The following GLB1 variants were observed in gnomAD, a reference collection of about 807,000 sequenced individuals.
GLB1 encodes the protein beta-galactosidase.
Under a neutral mutation model 74.0 loss-of-function variants are expected in GLB1, and 56 were observed. The ratio of observed to expected loss-of-function variants is 0.76; its 90% CI spans 0.61 to 0.94. The LOEUF is 0.94. Among genes scored for constraint, GLB1 ranks in the 40% least tolerant of loss-of-function variants. GLB1 has a pLI of 0.00. For synonymous variants in GLB1, 323 were observed against 323.6 expected, an observed-to-expected ratio of 1.00 and a Z score of 0.02; for missense variants, 787 against 845.5, an observed-to-expected ratio of 0.93 and a Z score of 0.86.
chr3:32,990,897 C>G, the GLB1 span, among the ~76,000 whole-genome samples: 6 of 152,070 alleles, frequency 3.9e-5, no homozygotes, highest in Non-Finnish European at 7.4e-5. Context: ...TGGCGTGAAC[C>G]CGGGAGGTGG....
chr3:33,009,470 C>T (rs1363483864), intron 15 of GLB1, among the ~76,000 whole-genome samples: 1 of 151,870 alleles, frequency 6.6e-6, no homozygotes, highest in African/African-American at 2.4e-5. Flanking sequence ...TGCAGTGAGC[C>T]GAGATTGTGC....
chr3:33,052,074 T>C lies in GLB1; in HGVS notation c.793-70A>G, dbSNP rs547558462. On this transcript the variant is annotated intron_variant, in intron 7 of 15. Coordinates refer to ENST00000307363, the MANE Select transcript of GLB1 (RefSeq NM_000404.4). ...TTCCAATGCCAGGGCTTCCCTGCAA[T>C]GCCCCATCTATGACAGGTGTAAAGG... The C allele has an allele frequency of 2.2e-5, 36 of 1,602,440 alleles. 1 individual carries two copies. In the South Asian group the frequency reaches 3.6e-4, roughly 16 times the overall value.
chr3:33,051,659 A>G, intron 9 of GLB1, 99 bp downstream of exon 9: 1 of 1,566,046 alleles, frequency 6.4e-7, no homozygotes, highest in East Asian at 2.3e-5. Context: ...AGGATAAACA[A>G]AAAAAGGAAA....
At chr3:33,087,602 C>T (rs1700569961) in intron 1 of GLB1, among the ~76,000 whole-genome samples, 1 of 148,868 alleles carries the variant, frequency 6.7e-6, no homozygotes, top group African/African-American at 2.6e-5. Context: ...CACACACACA[C>T]ACACACACAC....
intron 5 of GLB1, among the ~76,000 whole-genome samples, chr3:33,062,065 T>C (rs896699558): frequency 6.6e-6 from 1 of 152,252 alleles, no homozygotes; most frequent in Non-Finnish European, 1.5e-5. Flanking sequence ...TCTCAAACTC[T>C]GAGCACTGAG....
intron 9 of GLB1, among the ~76,000 whole-genome samples, chr3:33,050,774 T>C (rs1024324826): frequency 6.6e-6 from 1 of 152,220 alleles, no homozygotes; most frequent in Non-Finnish European, 1.5e-5. Context: ...GTCAATTTTA[T>C]GGTTTGTGAA....
intron 15 of GLB1, among the ~76,000 whole-genome samples, chr3:33,007,445 T>C (rs1696835418): frequency 6.6e-6 from 1 of 152,254 alleles, no homozygotes; most frequent in South Asian, 2.1e-4. Context: ...GGACATTTCA[T>C]GTAAATGGAA....
chr3:32,975,274 G>A, the GLB1 span, among the ~76,000 whole-genome samples: 1 of 152,014 alleles, frequency 6.6e-6, no homozygotes. Flanking sequence ...TTGCAGAGAT[G>A]GGGTCTCACT....
chr3:33,051,160 G>A (rs1698960041), intron 9 of GLB1, among the ~76,000 whole-genome samples: 1 of 149,104 alleles, frequency 6.7e-6, no homozygotes, highest in African/African-American at 2.5e-5. Flanking sequence ...GTGAACCCGG[G>A]AGGCAGAGCT....
At chr3:33,087,105 GA>G (rs1700536165) in intron 1 of GLB1, among the ~76,000 whole-genome samples, 1 of 151,748 alleles carries the variant, frequency 6.6e-6, no homozygotes, top group South Asian at 2.1e-4. Context: ...TGATGACACA[GA>G]AATAAAGAAT....
chr3:33,045,172 C>T (rs1430942687), intron 10 of GLB1: 2 of 257,620 alleles, frequency 7.8e-6, no homozygotes, highest in Admixed American at 6.5e-5. Flanking sequence ...TCAAGCTTTA[C>T]AGCACAACCA....
chr3:33,021,314 A>C (rs773252253), intron 12 of GLB1: 26 of 545,174 alleles, frequency 4.8e-5, no homozygotes, highest in Middle Eastern at 5.0e-4. Flanking sequence ...CTTGTACAGA[A>C]TTATGTTGAA....
chr3:33,036,461 C>T (rs1263942413), intron 10 of GLB1, among the ~76,000 whole-genome samples: 1 of 152,154 alleles, frequency 6.6e-6, no homozygotes, highest in Non-Finnish European at 1.5e-5. Flanking sequence ...GGAAAGTTCA[C>T]TATTTCAGAA....
chr3:33,018,665 GAATGA>G, intron 12 of GLB1, 104 bp from the exon 13 acceptor site: 2 of 1,277,850 alleles, frequency 1.6e-6, no homozygotes, highest in Non-Finnish European at 2.2e-6. Flanking sequence ...AAACCATAAG[GAATGA>G]AAATCTTCCT....
chr3:33,003,323 C>T (rs1028010922), intron 15 of GLB1, among the ~76,000 whole-genome samples: 4 of 152,186 alleles, frequency 2.6e-5, no homozygotes, highest in Non-Finnish European at 5.9e-5. Context: ...TAACAACAGT[C>T]GTCAAACCAC....
the GLB1 span, among the ~76,000 whole-genome samples, chr3:32,966,029 C>G: frequency 1.5e-4 from 23 of 152,188 alleles, 1 homozygote; most frequent in African/African-American, 4.3e-4. Flanking sequence ...TGGTGAGGCC[C>G]TCATGGAGAA....
At chr3:32,976,505 C>T in the GLB1 span, among the ~76,000 whole-genome samples, 16 of 152,186 alleles carry the variant, frequency 1.1e-4, no homozygotes, top group African/African-American at 3.6e-4. Context: ...ACATTGGAAA[C>T]GTGGCCCCGA....
At chr3:33,021,206 A>T (rs1697460938) in intron 12 of GLB1, 1 of 315,358 alleles carries the variant, frequency 3.2e-6, no homozygotes, top group South Asian at 3.3e-5. Context: ...ACTAAGAACA[A>T]ATAATTAAAC....
intron 1 of GLB1, chr3:33,090,566 G>A: frequency 1.0e-6 from 1 of 985,422 alleles, no homozygotes; most frequent in Non-Finnish European, 1.2e-6. Context: ...GAAATTGAAA[G>A]AATGATCAAG....
Sources: allele counts gnomAD v4.1 joint callset (sites outside exome capture counted in the v4.1 genomes callset), GRCh38; gene constraint gnomAD v4.1.1; transcripts MANE v1.5; gene names NCBI Gene and HGNC (gene_info 2026-07-23, HGNC 2026-07-21).